Variants in HHLA2 observed in about 807,000 individuals in gnomAD.
The protein encoded by HHLA2 is HERV-H LTR-associating protein 2.
In HHLA2, 48 loss-of-function variants were observed where a neutral mutation model predicts 45.9. That is an observed-to-expected ratio of 1.05 (90% confidence interval 0.83 to 1.33). The LOEUF (loss-of-function observed/expected upper bound fraction) is 1.33. Among genes scored for constraint, HHLA2 ranks in the 40% most tolerant of loss-of-function variants. HHLA2 has a pLI of 0.00. For synonymous variants in HHLA2, 161 were observed against 173.9 expected (o/e 0.93, Z 0.59); for missense variants, 462 against 494.3 (o/e 0.93, Z 0.62).
At chr3:108,319,643 T>C (rs976608186) in intron 2 of HHLA2, among the ~76,000 whole-genome samples, 1 of 152,252 alleles carries the variant, frequency 6.6e-6, no homozygotes, top group Non-Finnish European at 1.5e-5. Flanking sequence ...ACAAGTTTAC[T>C]AGAGGCAGAC....
chr3:108,332,130 G>A (rs1466002222), intron 3 of HHLA2, among the ~76,000 whole-genome samples: 1 of 152,090 alleles, frequency 6.6e-6, no homozygotes, highest in East Asian at 1.9e-4. Context: ...AGCCAACTGA[G>A]GAATTTGGTT....
At chr3:108,330,062 C>T (rs1348240350) in intron 3 of HHLA2, among the ~76,000 whole-genome samples, 2 of 152,004 alleles carry the variant, frequency 1.3e-5, no homozygotes, top group African/African-American at 4.8e-5. Context: ...CAGTGCCTTG[C>T]CATATGGGCT....
rs558965886 is a variant in HHLA2 at position 108,300,847 on chromosome 3, AT to A, written c.-192+4252del. Among the ~76,000 whole-genome samples, 523 of 152,276 alleles carry A rather than the reference AT, an allele frequency of 3.4e-3. 2 individuals carry two copies. The highest frequency in any genetic ancestry group is 0.012 in the African/African-American group (504 of 41,548). On this transcript the variant is annotated intron_variant, in intron 1 of 10. Coordinates refer to ENST00000619531, the Ensembl canonical transcript of HHLA2. The stretch of plus-strand genomic sequence containing the variant: ...AGAAATCTAAATTCCCAAACACTTT[AT>A]TTTAATAATGCTGTCATATTTATCT...
chr3:108,375,044 G>A (rs1310213131), intron 8 of HHLA2, among the ~76,000 whole-genome samples: 209 of 149,308 alleles, frequency 1.4e-3, no homozygotes, highest in African/African-American at 1.8e-3. Context: ...TGTTTATTGC[G>A]GCACTATTCA....
intron 1 of HHLA2, among the ~76,000 whole-genome samples, chr3:108,309,802 C>G (rs1026801434): frequency 6.6e-6 from 1 of 152,048 alleles, no homozygotes; most frequent in African/African-American, 2.4e-5. Context: ...CCCCCATGCT[C>G]TGGTTGTTGG....
At chr3:108,369,753 C>T (rs544570956) in intron 8 of HHLA2, among the ~76,000 whole-genome samples, 2 of 152,256 alleles carry the variant, frequency 1.3e-5, no homozygotes, top group South Asian at 4.1e-4. Flanking sequence ...AAGGCAGCAG[C>T]GAGCCTGGGG....
chr3:108,328,678 G>A (rs928339782), intron 3 of HHLA2, among the ~76,000 whole-genome samples: 2 of 152,102 alleles, frequency 1.3e-5, no homozygotes, highest in Non-Finnish European at 2.9e-5. Context: ...ATGGGGGAGG[G>A]CAGTTAGGAG....
At chr3:108,342,259 C>CTTTTT (rs58477416) in intron 3 of HHLA2, among the ~76,000 whole-genome samples, 4 of 108,098 alleles carry the variant, frequency 3.7e-5, no homozygotes, top group East Asian at 5.9e-4. Context: ...TTCTTTCTCT[C>CTTTTT]TTTTTTTTTT....
At chr3:108,314,673 A>G (rs1247419758) in intron 2 of HHLA2, among the ~76,000 whole-genome samples, 1 of 152,210 alleles carries the variant, frequency 6.6e-6, no homozygotes, top group Non-Finnish European at 1.5e-5. Flanking sequence ...TGTACCTATT[A>G]TAGAGCCAGA....
intron 3 of HHLA2, among the ~76,000 whole-genome samples, chr3:108,345,333 A>T (rs954813157): frequency 1.3e-4 from 20 of 152,248 alleles, no homozygotes; most frequent in African/African-American, 4.8e-4. Context: ...GGCTGAAGTT[A>T]TGTGAGCAGG....
intron 7 of HHLA2, among the ~76,000 whole-genome samples, chr3:108,361,798 A>T (rs1003797829): frequency 6.6e-6 from 1 of 151,984 alleles, no homozygotes; most frequent in Non-Finnish European, 1.5e-5. Context: ...GCTTCTACTC[A>T]TCTCCTTTTA....
At chr3:108,357,953 T>A in exon 7 of HHLA2, 3 of 1,613,894 alleles carry the variant, frequency 1.9e-6, no homozygotes, top group East Asian at 2.2e-5. Context: ...GAATGAAAAG[T>A]GGGACTTTCT....
At chr3:108,328,897 G>A (rs920283035) in intron 3 of HHLA2, among the ~76,000 whole-genome samples, 6 of 152,088 alleles carry the variant, frequency 3.9e-5, no homozygotes, top group African/African-American at 1.4e-4. Flanking sequence ...TAAGTATGGG[G>A]TCTCTAAAGA....
At chr3:108,349,240 C>T (rs1371963703) in intron 3 of HHLA2, among the ~76,000 whole-genome samples, 2 of 151,184 alleles carry the variant, frequency 1.3e-5, no homozygotes, top group South Asian at 4.2e-4. Context: ...AATAGATAGA[C>T]CACTAGCCAG....
chr3:108,345,790 G>A (rs533764734), intron 3 of HHLA2, among the ~76,000 whole-genome samples: 8 of 152,208 alleles, frequency 5.3e-5, no homozygotes, highest in African/African-American at 1.7e-4. Flanking sequence ...TTTGGCTTTC[G>A]TAGTGCTTTT....
intron 2 of HHLA2, chr3:108,325,888 A>G: frequency 2.5e-6 from 1 of 402,442 alleles, no homozygotes; most frequent in South Asian, 2.2e-5. Context: ...GGCTGGATGA[A>G]GCACTAGCCA....
At chr3:108,328,216 T>A in intron 2 of HHLA2, 1 of 765,920 alleles carries the variant, frequency 1.3e-6, no homozygotes, top group Non-Finnish European at 2.0e-6. Flanking sequence ...ATTTTACTGG[T>A]CATCTGGGGC....
Position 108,319,600 on chromosome 3 carries a change from C to T in HHLA2, c.-104-8670C>T, listed in dbSNP as rs1018061770. On this transcript the variant is annotated intron_variant, in intron 2 of 10. Transcript: ENST00000619531. ...GCAAAACTTGGTGATGTGCCAAGCT[C>T]GTTTCTTTTAGGTACTTGAAGTTCC... Among the ~76,000 whole-genome samples, 4 of 152,216 alleles carry T rather than the reference C, an allele frequency of 2.6e-5. No individual in the cohort carries two copies. In the East Asian group the frequency reaches 5.8e-4, roughly 22 times the overall value.
At chr3:108,329,881 T>G (rs1242020925) in intron 3 of HHLA2, among the ~76,000 whole-genome samples, 1 of 152,168 alleles carries the variant, frequency 6.6e-6, no homozygotes, top group Non-Finnish European at 1.5e-5. Flanking sequence ...AGACAAACAT[T>G]TATCATCTCA....
Sources: allele counts gnomAD v4.1 joint callset (sites outside exome capture counted in the v4.1 genomes callset), GRCh38; gene constraint gnomAD v4.1.1; transcripts MANE v1.5; gene names NCBI Gene and HGNC (gene_info 2026-07-23, HGNC 2026-07-21).